Variants in RBBP8NL observed in about 807,000 individuals in gnomAD.
The protein encoded by RBBP8NL is RBBP8 N-terminal-like protein.
In RBBP8NL, 59 loss-of-function variants were observed where a neutral mutation model predicts 62.2. That is an observed-to-expected ratio of 0.95 (90% CI 0.77 to 1.18). The LOEUF (loss-of-function observed/expected upper bound fraction) is 1.18, where lower values mean the gene tolerates loss of function less well. RBBP8NL is among the 50% of genes most tolerant of loss of function. The pLI is 0.00. For missense variants in RBBP8NL, 896 were observed against 899.5 expected (o/e 1.00, Z 0.05); for synonymous variants, 412 against 394.1 (o/e 1.05, Z -0.54).
Position 62,414,016 on chromosome 20 carries a change from C to A in RBBP8NL, c.1335G>T (p.Ser445=), listed in dbSNP as rs924597688. The change falls in exon 10 of 14, where the codon TCG becomes TCT. Residue 445 remains serine, a synonymous_variant. Transcript: ENST00000252998. ...DCALDKPLDL[S]EWGRARGQDT... ...CCTGGCCCCGGGCCCGGCCCCACTCCGAGAGGTCCAGGGGCTTGTCTAGGG... is the reference window on the plus strand; with the variant it reads ...CCTGGCCCCGGGCCCGGCCCCACTCAGAGAGGTCCAGGGGCTTGTCTAGGG... 2 of 1,582,914 alleles carry A rather than the reference C, an allele frequency of 1.3e-6. No homozygotes were observed. The highest frequency in any genetic ancestry group is 1.7e-6 in the Non-Finnish European group (2 of 1,164,924).
rs1363995885 is a variant in RBBP8NL, at chr20:62,412,910, G to A, written c.1676-10C>T. 1 of 1,612,680 alleles carries A rather than the reference G, an allele frequency of 6.2e-7. No homozygotes were observed. Among genetic ancestry groups the A allele is most frequent in the African/African-American group, 1.3e-5 (1 of 74,948 alleles). ...TCAGCCTTGCTGGGCTCTGAAGGAT[G>A]CAGAGTGTGGGGTCAGGCCAGGCTG... On this transcript the variant is annotated splice_polypyrimidine_tract_variant and intron_variant, in intron 11 of 13. Coordinates refer to ENST00000252998, the MANE Select transcript of RBBP8NL (RefSeq NM_080833.3).
At chr20:62,426,147 A>G (rs1398019120) in intron 1 of RBBP8NL, among the ~76,000 whole-genome samples, 6 of 151,174 alleles carry the variant, frequency 4.0e-5, no homozygotes, top group African/African-American at 1.5e-4. Flanking sequence ...TGGTAGCAGT[A>G]GCAGTGGCAG....
Position 62,415,780 on chromosome 20 carries a change from C to G in RBBP8NL, c.544+8G>C, listed in dbSNP as rs537391865. ...CAGCCTCCCAGCCTCACCCGGTCCC[C>G]ACAGCACCTTCTCCCCGTAGGCCCA... On this transcript the variant is annotated splice_region_variant and intron_variant, in intron 7 of 13. Coordinates refer to ENST00000252998, the MANE Select transcript of RBBP8NL (RefSeq NM_080833.3). 5.0e-6 allele frequency: 8 copies of G among 1,611,748 alleles called. No homozygotes were observed. Among genetic ancestry groups the G allele is most frequent in the Non-Finnish European group, 6.8e-6 (8 of 1,179,848 alleles).
intron 4 of RBBP8NL, 21 bp downstream of exon 4, chr20:62,417,203 G>C (rs374446378): frequency 3.8e-6 from 6 of 1,562,546 alleles, no homozygotes; most frequent in Non-Finnish European, 4.4e-6. Flanking sequence ...GCCATGCTGC[G>C]AGGTGTCCTC....
chr20:62,411,579 G>A (rs980553682), intron 13 of RBBP8NL, among the ~76,000 whole-genome samples: 2 of 152,232 alleles, frequency 1.3e-5, no homozygotes, highest in African/African-American at 4.8e-5. Context: ...AGGGTCATAA[G>A]GCTCACAGGC....
chr20:62,418,539 C>T, intron 2 of RBBP8NL, 74 bp from the exon 3 acceptor site: 1 of 1,388,214 alleles, frequency 7.2e-7, no homozygotes, highest in African/African-American at 1.4e-5. Flanking sequence ...ACCACGGGGT[C>T]TGGGCAGAGC....
rs943811943 is a variant in RBBP8NL at position 62,414,502 on chromosome 20, G to C, written c.849C>G (p.Ser283=). The C allele has an allele frequency of 4.1e-6, 6 of 1,453,140 alleles. No homozygotes were observed. Among genetic ancestry groups the C allele is most frequent in the Non-Finnish European group, 5.5e-6 (6 of 1,098,956 alleles). The allele number at this position is 1,453,140 out of a possible 1,614,324, so 90.0% of individuals were successfully genotyped here. A position where few individuals can be genotyped will look rare whatever the true frequency, so the allele number is the denominator to read the frequency against. The part of the protein sequence containing the change: ...SAMTHEAPKL[S]PKVDRLCLLN... ...GGAGGCAGAGCCGGTCCACCTTCGG[G>C]GAGAGCTTCGGGGCCTCATGGGTCA... The change falls in exon 10 of 14, where the codon TCC becomes TCG. Residue 283 remains serine, a synonymous_variant. Coordinates refer to ENST00000252998, the MANE Select transcript of RBBP8NL (RefSeq NM_080833.3).
chr20:62,420,729 A>T (rs866801245), intron 1 of RBBP8NL, among the ~76,000 whole-genome samples: 16 of 152,280 alleles, frequency 1.1e-4, no homozygotes, highest in Admixed American at 9.8e-4. Flanking sequence ...CGGCTCCCAC[A>T]CGCAGATGCT....
chr20:62,410,568 G>C lies in RBBP8NL; in HGVS notation c.*310C>G, dbSNP rs916667302. ...AGGGGCCGCAGAGCATTTCCCAGGT[G>C]GGTGGAGACGGGGTGAATCGCCAGC... is the stretch of plus-strand genomic sequence containing the variant. On this transcript the variant is annotated 3_prime_UTR_variant, in exon 14 of 14. Coordinates refer to ENST00000252998, the MANE Select transcript of RBBP8NL (RefSeq NM_080833.3). The C allele has an allele frequency of 4.9e-5, 20 of 406,334 alleles. No homozygotes were observed. Among genetic ancestry groups the C allele is most frequent in the Admixed American group, 1.7e-4 (4 of 23,446 alleles). The allele number at this position is 406,334 out of a possible 1,614,324, so 25.2% of individuals were successfully genotyped here.
chr20:62,422,976 G>C (rs115906564), intron 1 of RBBP8NL, among the ~76,000 whole-genome samples: 1 of 152,050 alleles, frequency 6.6e-6, no homozygotes, highest in Non-Finnish European at 1.5e-5. Context: ...TGGCGGCTCT[G>C]TGTTGGGTGG....
rs62196316 is a variant in RBBP8NL at position 62,411,275 on chromosome 20, G to A, written c.1877-279C>T. 4.6e-5 allele frequency among the ~76,000 whole-genome samples: 7 copies of A among 152,320 alleles called. No individual in the cohort carries two copies. The East Asian group carries it at 1.4e-3, about 29-fold the overall frequency. On this transcript the variant is annotated intron_variant, in intron 13 of 13. Coordinates refer to ENST00000252998, the MANE Select transcript of RBBP8NL (RefSeq NM_080833.3). The stretch of plus-strand genomic sequence containing the variant: ...AGTGGCCCCCTTCCTGCCTTGGAGG[G>A]AGCCAGGCCATACTGGCTGGCCTGA...
chr20:62,418,752 C>T (rs1199768741), intron 2 of RBBP8NL, among the ~76,000 whole-genome samples: 2 of 152,184 alleles, frequency 1.3e-5, no homozygotes, highest in African/African-American at 4.8e-5. Context: ...GACCAGCCAC[C>T]TGTGAAAGGT....
At position 62,410,840 on chromosome 20, in the gene RBBP8NL, G is replaced by C; in HGVS notation, c.*38C>G. 1 of 1,426,696 alleles carries C rather than the reference G, an allele frequency of 7.0e-7. No individual in the cohort carries two copies. The allele number at this position is 1,426,696 out of a possible 1,614,324, so 88.4% of individuals were successfully genotyped here. On this transcript the variant is annotated 3_prime_UTR_variant, in exon 14 of 14. Transcript: ENST00000252998. ...CCAGGCCCTGGTGGGCAGGTGGAGG[G>C]CTGCCCCGGGCTCGCTGTGGACCCT...
chr20:62,417,476 C>T (rs1397800434), intron 3 of RBBP8NL, among the ~76,000 whole-genome samples, 157 bp from the exon 4 acceptor site: 1 of 136,130 alleles, frequency 7.3e-6, no homozygotes. Context: ...CATCTGCACG[C>T]TCCTCTGTGA....
chr20:62,413,546 C>A lies in RBBP8NL; in HGVS notation c.1531-1G>T. On this transcript the variant is annotated splice_acceptor_variant, in intron 10 of 13. Coordinates refer to ENST00000252998, the MANE Select transcript of RBBP8NL (RefSeq NM_080833.3). LOFTEE classifies it high-confidence loss of function. ...ACCCTGGAAGTGGGCGTGAGGGGTC[C>A]TGGGGGGAGGCAAGTAGGTGGCTTG... 1.3e-6 allele frequency: 2 copies of A among 1,522,032 alleles called. No homozygotes were observed. Among genetic ancestry groups the A allele is most frequent in the South Asian group, 1.3e-5 (1 of 77,468 alleles). 94.3% of individuals were successfully genotyped at this position (1,522,032 alleles called of 1,614,324 possible). A position where few individuals can be genotyped will look rare whatever the true frequency, so the allele number is the denominator to read the frequency against.
rs766557516 is a variant in RBBP8NL, at chr20:62,412,723, T to A, written c.1777A>T (p.Thr593Ser). 6.2e-7 allele frequency: 1 copy of A among 1,611,540 alleles called. No homozygotes were observed. Among genetic ancestry groups the A allele is most frequent in the Admixed American group, 1.7e-5 (1 of 60,026 alleles). ...TCAGGCCCCTCCCCGGTCGTGCTCG[T>A]AGTGGCCTCCGCCTGGGAGCTCAGG... ...VGLSSQAEAT[T>S]STTGEGPECI... The change falls in exon 13 of 14, where the codon ACG becomes TCG. Residue 593 changes from threonine (T) to serine (S), a missense_variant. Thr to Ser is a moderately conservative substitution (Grantham distance 58, BLOSUM62 1). Coordinates refer to ENST00000252998, the MANE Select transcript of RBBP8NL (RefSeq NM_080833.3).
intron 6 of RBBP8NL, 34 bp downstream of exon 6, chr20:62,416,130 G>T: frequency 6.3e-7 from 1 of 1,586,918 alleles, no homozygotes. Flanking sequence ...CTGGGGAGTT[G>T]GGTGTCTGAG....
intron 11 of RBBP8NL, 70 bp downstream of exon 11, chr20:62,413,331 G>GACCAC (rs1331100462): frequency 7.3e-7 from 1 of 1,370,820 alleles, no homozygotes; most frequent in Admixed American, 3.6e-5. Flanking sequence ...GGTGGGCACT[G>GACCAC]ACCACCACCC....
chr20:62,413,978 G>A lies in RBBP8NL; in HGVS notation c.1373C>T (p.Pro458Leu), dbSNP rs764192442. Reference sequence around the variant, plus strand: ...GCTGAGTGACCCATGCTGGCCGGCCGGCTTGGGAGTGTCCTGGCCCCGGGC... The same window carrying A: ...GCTGAGTGACCCATGCTGGCCGGCCAGCTTGGGAGTGTCCTGGCCCCGGGC... ...GRARGQDTPK[P>L]AGQHGSLSPA... Residue 458 changes from proline to leucine, a missense_variant, in exon 10 of 14, where the codon CCG (proline) becomes CTG (leucine). Coordinates refer to ENST00000252998, the MANE Select transcript of RBBP8NL (RefSeq NM_080833.3). 8.3e-6 allele frequency: 13 copies of A among 1,571,346 alleles called. No homozygotes were observed. The highest frequency in any genetic ancestry group is 5.5e-5 in the Admixed American group (3 of 54,504).
Sources: allele counts gnomAD v4.1 joint callset (sites outside exome capture counted in the v4.1 genomes callset), GRCh38; gene constraint gnomAD v4.1.1; transcripts MANE v1.5; gene names NCBI Gene and HGNC (gene_info 2026-07-23, HGNC 2026-07-21).